GTF2IRD1: variants seen among roughly 807,000 people sequenced by gnomAD.
GTF2IRD1 encodes the protein GTF2I repeat domain containing 1.
GTF2IRD1 carries 26 observed loss-of-function variants against 113.2 expected under a neutral mutation model. The ratio of observed to expected loss-of-function variants is 0.23; its 90% confidence interval spans 0.17 to 0.32. The LOEUF is 0.32. Among genes scored for constraint, GTF2IRD1 ranks in the 10% least tolerant of loss-of-function variants. The pLI, the probability that GTF2IRD1 is intolerant of heterozygous loss-of-function variation, is 1.00. For synonymous variants in GTF2IRD1, 484 were observed against 529.1 expected (o/e 0.91, Z 1.17); for missense variants, 864 against 1,280.8 (o/e 0.67, Z 4.97).
intron 22 of GTF2IRD1, 98 bp downstream of exon 22, chr7:74,559,753 T>C: frequency 1.0e-6 from 1 of 993,712 alleles, no homozygotes; most frequent in Non-Finnish European, 1.4e-6. Context: ...GGTTCTGGGG[T>C]CTGGGAACAG....
chr7:74,492,355 G>A (rs1377910722), intron 1 of GTF2IRD1, among the ~76,000 whole-genome samples: 1 of 151,472 alleles, frequency 6.6e-6, no homozygotes, highest in Non-Finnish European at 1.5e-5. Flanking sequence ...TATTTTTAGT[G>A]GAAACTGAGT....
intron 1 of GTF2IRD1, among the ~76,000 whole-genome samples, chr7:74,467,470 A>G (rs539722963): frequency 3.9e-5 from 6 of 152,136 alleles, no homozygotes; most frequent in Non-Finnish European, 5.9e-5. Flanking sequence ...GTGCCAGAAC[A>G]GTTAATCCTC....
chr7:74,456,636 C>CCGCA (rs1792995725), intron 1 of GTF2IRD1, among the ~76,000 whole-genome samples: 1 of 151,686 alleles, frequency 6.6e-6, no homozygotes, highest in Non-Finnish European at 1.5e-5. Flanking sequence ...TGAGCCAAGA[C>CCGCA]CGCACCACTG....
intron 22 of GTF2IRD1, among the ~76,000 whole-genome samples, chr7:74,575,531 G>A (rs1800990021): frequency 6.6e-6 from 1 of 152,214 alleles, no homozygotes; most frequent in East Asian, 1.9e-4. Context: ...AGGGTGGAGA[G>A]ACATAAGGAG....
intron 25 of GTF2IRD1, among the ~76,000 whole-genome samples, chr7:74,600,070 T>C (rs1436548104): frequency 2.0e-5 from 3 of 152,146 alleles, no homozygotes; most frequent in Admixed American, 6.6e-5. Flanking sequence ...CAGCAGACAA[T>C]GTGCAAAGCA....
At chr7:74,597,897 G>A (rs1273110997) in intron 25 of GTF2IRD1, among the ~76,000 whole-genome samples, 2 of 152,068 alleles carry the variant, frequency 1.3e-5, no homozygotes, top group Non-Finnish European at 2.9e-5. Context: ...GCAAGTCCAC[G>A]CCACAACCTT....
intron 20 of GTF2IRD1, 42 bp downstream of exon 20, chr7:74,557,764 G>A (rs1554357609): frequency 6.3e-6 from 8 of 1,268,488 alleles, no homozygotes; most frequent in Non-Finnish European, 9.2e-6. Flanking sequence ...CGCAGCTGCT[G>A]TGCACAGAGA....
chr7:74,569,088 CT>C (rs768787347), intron 22 of GTF2IRD1, among the ~76,000 whole-genome samples: 103 of 152,290 alleles, frequency 6.8e-4, no homozygotes, highest in Non-Finnish European at 1.3e-3. Flanking sequence ...CTAACTTGCC[CT>C]TTCCCCCAAC....
In GTF2IRD1 at chr7:74,505,447, G is replaced by A. The variant is rs117999471; in HGVS notation, c.-6-2628G>A. On this transcript the variant is annotated intron_variant, in intron 1 of 26. Coordinates refer to ENST00000424337, the MANE Select transcript of GTF2IRD1 (RefSeq NM_005685.4). ...TCGGGACAGGGGGTCCTACAAGCCC[G>A]GATGACCGAGACAAGGAGCTGGGGA... Among the ~76,000 whole-genome samples, 122 of 152,270 alleles carry A rather than the reference G, an allele frequency of 8.0e-4. 1 individual carries two copies. In the East Asian group the frequency reaches 0.021, roughly 27 times the overall value.
chr7:74,465,063 G>C (rs1390577852), intron 1 of GTF2IRD1, among the ~76,000 whole-genome samples: 1 of 152,212 alleles, frequency 6.6e-6, no homozygotes, highest in Admixed American at 6.5e-5. Flanking sequence ...GACTCTCTCA[G>C]TCTGATGTTT....
In GTF2IRD1 at chr7:74,510,997, C is replaced by T. The variant is rs143047970; in HGVS notation, c.124-1833C>T. Among the ~76,000 whole-genome samples the T allele has an allele frequency of 3.9e-3, 593 of 151,180 alleles. 5 individuals carry two copies. The highest frequency in any genetic ancestry group is 0.013 in the African/African-American group (537 of 41,114). On this transcript the variant is annotated intron_variant, in intron 2 of 26. Coordinates refer to ENST00000424337, the MANE Select transcript of GTF2IRD1 (RefSeq NM_005685.4). ...CTGGGAGGCAGAGGTTACAGTGAGC[C>T]GAGGTCGTGCCACTGCACTCCAGCC...
chr7:74,570,421 A>C (rs587659167), intron 22 of GTF2IRD1, among the ~76,000 whole-genome samples: 7 of 151,182 alleles, frequency 4.6e-5, no homozygotes, highest in African/African-American at 1.7e-4. Flanking sequence ...GCACTTCGGG[A>C]GGCCAAGGCA....
At chr7:74,501,392 C>T (rs973066881) in intron 1 of GTF2IRD1, among the ~76,000 whole-genome samples, 2 of 152,172 alleles carry the variant, frequency 1.3e-5, no homozygotes, top group African/African-American at 4.8e-5. Flanking sequence ...AAAATGAGAG[C>T]TTGTGAGAAT....
intron 25 of GTF2IRD1, among the ~76,000 whole-genome samples, chr7:74,599,743 G>A (rs1271593848): frequency 1.3e-5 from 2 of 152,048 alleles, no homozygotes; most frequent in Admixed American, 6.6e-5. Context: ...GGCTGGTCTC[G>A]AACTCCTGAC....
At chr7:74,568,923 G>A (rs1161580831) in intron 22 of GTF2IRD1, among the ~76,000 whole-genome samples, 1 of 152,156 alleles carries the variant, frequency 6.6e-6, no homozygotes, top group African/African-American at 2.4e-5. Flanking sequence ...ACTGGCCAGA[G>A]GGAGGAGAAG....
At chr7:74,557,818 A>G in intron 20 of GTF2IRD1, 96 bp downstream of exon 20, 1 of 724,384 alleles carries the variant, frequency 1.4e-6, no homozygotes, top group Admixed American at 2.5e-5. Context: ...TTCTGGGGAA[A>G]CAATTCACCC....
chr7:74,529,794 C>G lies in GTF2IRD1; in HGVS notation c.1151C>G (p.Pro384Arg). The change falls in exon 9 of 27, where the codon CCG becomes CGG. Residue 384 changes from proline to arginine, a missense_variant. Transcript: ENST00000424337. ...CCCTACCGGAAGATTGCCTGTGACC[C>G]GGAGGCTGTGGAGATCGTGGGCATC... ...PVPYRKIACD[P>R]EAVEIVGIPD... The G allele has an allele frequency of 1.2e-6, 2 of 1,614,060 alleles. No homozygotes were observed. The highest frequency in any genetic ancestry group is 1.7e-5 in the Admixed American group (1 of 60,004).
chr7:74,466,119 G>T (rs1793690100), intron 1 of GTF2IRD1, among the ~76,000 whole-genome samples: 1 of 152,208 alleles, frequency 6.6e-6, no homozygotes, highest in Non-Finnish European at 1.5e-5. Context: ...CTCAAAGGTA[G>T]AACTGGTTGG....
rs587603972 is a variant in GTF2IRD1, at chr7:74,551,832, A to T, written c.1917-3342A>T. On this transcript the variant is annotated intron_variant, in intron 17 of 26. Coordinates refer to ENST00000424337, the MANE Select transcript of GTF2IRD1 (RefSeq NM_005685.4). ...GTGCCTGTAATCCCAGCTACTCGGG[A>T]GGCTGAGGCAGGAGAATCACTTGAA... Among the ~76,000 whole-genome samples, 3 of 151,804 alleles carry T rather than the reference A, an allele frequency of 2.0e-5. No individual in the cohort carries two copies. The East Asian group carries it at 5.9e-4, about 30-fold the overall frequency.
Sources: gnomAD v4.1 joint callset for allele counts (sites outside exome capture counted in the v4.1 genomes callset) on GRCh38, gnomAD v4.1.1 for gene constraint, MANE v1.5 for transcripts, NCBI Gene and HGNC (gene_info 2026-07-23, HGNC 2026-07-21) for gene names.